Variants in CDH8 observed in about 807,000 individuals in gnomAD.
CDH8 encodes cadherin 8, also known as cadherin-8.
Under a neutral mutation model 68.1 loss-of-function variants are expected in CDH8, and 17 were observed. That is an observed-to-expected ratio of 0.25 (90% CI 0.17 to 0.37). The LOEUF is 0.37. Ranked by LOEUF, CDH8 falls within the 10% of genes least tolerant of loss-of-function variation. The pLI is 1.00. For missense variants in CDH8, 763 were observed against 999.3 expected (o/e 0.76, Z 3.19); for synonymous variants, 372 against 365.1 (o/e 1.02, Z -0.21).
intron 4 of CDH8, among the ~76,000 whole-genome samples, chr16:61,842,115 G>C (rs574490808): frequency 6.7e-6 from 1 of 148,450 alleles, no homozygotes; most frequent in East Asian, 2.0e-4. Context: ...CACCATGCTA[G>C]CCAGGATGGT....
intron 10 of CDH8, chr16:61,691,929 G>A (rs1349459368): frequency 6.6e-6 from 1 of 152,016 alleles, no homozygotes; most frequent in Non-Finnish European, 1.5e-5. Context: ...GTGATATGCA[G>A]GGGAAATACA....
chr16:62,005,995 G>A (rs1965968417), intron 2 of CDH8, among the ~76,000 whole-genome samples: 1 of 152,170 alleles, frequency 6.6e-6, no homozygotes, highest in African/African-American at 2.4e-5. Context: ...TGGAACTGCA[G>A]TGTTAATCTC....
At position 61,652,938 on chromosome 16, in the gene CDH8, C is replaced by A; in HGVS notation, c.*670G>T. 6.5e-7 allele frequency: 1 copy of A among 1,527,484 alleles called. No individual in the cohort carries two copies. Among genetic ancestry groups the A allele is most frequent in the Non-Finnish European group, 8.7e-7 (1 of 1,143,050 alleles). 94.6% of individuals were successfully genotyped at this position (1,527,484 alleles called of 1,614,324 possible). On this transcript the variant is annotated 3_prime_UTR_variant, in exon 12 of 12. Coordinates refer to ENST00000577390, the MANE Select transcript of CDH8 (RefSeq NM_001796.5). ...TGTTTGAATGGGATTTCTCTCCTCC[C>A]ACCACTGAATTGGCAAGCCCCACCC...
At chr16:61,929,568 G>C (rs1224872943) in intron 2 of CDH8, among the ~76,000 whole-genome samples, 1 of 152,078 alleles carries the variant, frequency 6.6e-6, no homozygotes, top group Non-Finnish European at 1.5e-5. Flanking sequence ...TTTTTTAACA[G>C]GTTGGGAATC....
chr16:61,795,448 A>G (rs1961474359), intron 7 of CDH8, among the ~76,000 whole-genome samples: 1 of 152,060 alleles, frequency 6.6e-6, no homozygotes, highest in South Asian at 2.1e-4. Context: ...GTTGGTGCAA[A>G]AGTAATTATG....
rs1170623483 is a variant in CDH8, at chr16:61,721,022, T to A, written c.1536+6072A>T. ...ATTCTGAAGATTTTAGGGTTTAAAC[T>A]AACAGAGATTATGGCTCAGCATCAC... On this transcript the variant is annotated intron_variant, in intron 9 of 11. Coordinates refer to ENST00000577390, the MANE Select transcript of CDH8 (RefSeq NM_001796.5). 2.8e-5 allele frequency among the ~76,000 whole-genome samples: 4 copies of A among 141,784 alleles called. No individual in the cohort carries two copies. The South Asian group carries it at 7.2e-4, about 25-fold the overall frequency. The allele number at this position is 141,784 out of a possible 152,430, so 93.0% of individuals were successfully genotyped here. A position where few individuals can be genotyped will look rare whatever the true frequency, so the allele number is the denominator to read the frequency against.
chr16:61,775,000 G>A (rs544290627), intron 8 of CDH8, among the ~76,000 whole-genome samples: 12 of 152,196 alleles, frequency 7.9e-5, no homozygotes, highest in African/African-American at 2.9e-4. Context: ...TACATAAAAT[G>A]AGTTAATACA....
chr16:61,674,858 T>C (rs1415888961), intron 10 of CDH8, among the ~76,000 whole-genome samples: 1 of 148,586 alleles, frequency 6.7e-6, no homozygotes, highest in Non-Finnish European at 1.5e-5. Flanking sequence ...TATCAACATA[T>C]AAAGAACTGC....
intron 2 of CDH8, among the ~76,000 whole-genome samples, chr16:62,016,825 T>A (rs146373889): frequency 1.3e-5 from 2 of 152,336 alleles, no homozygotes; most frequent in East Asian, 3.9e-4. Context: ...TGAAGATAGT[T>A]GGAAGACAAC....
At chr16:61,676,455 C>A (rs1963913561) in intron 10 of CDH8, among the ~76,000 whole-genome samples, 1 of 151,968 alleles carries the variant, frequency 6.6e-6, no homozygotes, top group East Asian at 1.9e-4. Context: ...GATAGGAACA[C>A]AAGTTTGTTT....
intron 8 of CDH8, among the ~76,000 whole-genome samples, chr16:61,735,951 T>G (rs979111831): frequency 6.6e-6 from 1 of 151,948 alleles, no homozygotes; most frequent in Non-Finnish European, 1.5e-5. Flanking sequence ...CACGCACCTG[T>G]AGTCCCAGCT....
chr16:61,965,977 G>A (rs1965245304), intron 2 of CDH8, among the ~76,000 whole-genome samples: 1 of 152,076 alleles, frequency 6.6e-6, no homozygotes, highest in Admixed American at 6.5e-5. Flanking sequence ...TCAAAAATGT[G>A]ACACTATTAA....
intron 7 of CDH8, among the ~76,000 whole-genome samples, chr16:61,793,964 A>C (rs1961441611): frequency 6.6e-6 from 1 of 152,086 alleles, no homozygotes; most frequent in South Asian, 2.1e-4. Flanking sequence ...ACAAAACAGA[A>C]TATAACAAGT....
Position 61,653,281 on chromosome 16 carries a change from T to C in CDH8, c.*327A>G, listed in dbSNP as rs1963365130. On this transcript the variant is annotated 3_prime_UTR_variant, in exon 12 of 12. Coordinates refer to ENST00000577390, the MANE Select transcript of CDH8 (RefSeq NM_001796.5). ...TTTCTAAGAAAGCACCTTTTAATTATGATTTTTTCCTCTATTTAAACCATT... is the reference window on the plus strand; with the variant it reads ...TTTCTAAGAAAGCACCTTTTAATTACGATTTTTTCCTCTATTTAAACCATT... 8.5e-7 allele frequency: 1 copy of C among 1,172,346 alleles called. No homozygotes were observed. Among genetic ancestry groups the C allele is most frequent in the Non-Finnish European group, 1.0e-6 (1 of 952,678 alleles). The allele number at this position is 1,172,346 out of a possible 1,614,324, so 72.6% of individuals were successfully genotyped here. A position where few individuals can be genotyped will look rare whatever the true frequency, so the allele number is the denominator to read the frequency against.
chr16:61,935,791 G>A (rs1964618154), intron 2 of CDH8, among the ~76,000 whole-genome samples: 1 of 152,126 alleles, frequency 6.6e-6, no homozygotes, highest in African/African-American at 2.4e-5. Flanking sequence ...AATAAACAAT[G>A]CATGCAGTAT....
At chr16:61,655,969 T>C (rs1200186636) in intron 10 of CDH8, among the ~76,000 whole-genome samples, 1 of 150,722 alleles carries the variant, frequency 6.6e-6, no homozygotes, top group Non-Finnish European at 1.5e-5. Flanking sequence ...GCCTCCCGGG[T>C]TCACGCCATT....
At chr16:61,910,404 T>C (rs191423624) in intron 2 of CDH8, among the ~76,000 whole-genome samples, 39 of 151,162 alleles carry the variant, frequency 2.6e-4, no homozygotes, top group Admixed American at 2.0e-3. Flanking sequence ...ATGCTGATAA[T>C]AGTCTGATTA....
intron 2 of CDH8, among the ~76,000 whole-genome samples, chr16:62,011,354 C>G (rs1597124814): frequency 6.6e-6 from 1 of 152,174 alleles, no homozygotes; most frequent in African/African-American, 2.4e-5. Context: ...CACACGCAGG[C>G]AGTTGCTTTT....
chr16:61,894,409 GATT>G (rs1963835519), intron 3 of CDH8, among the ~76,000 whole-genome samples: 1 of 152,116 alleles, frequency 6.6e-6, no homozygotes, highest in African/African-American at 2.4e-5. Flanking sequence ...GACAGCTGCA[GATT>G]ATTTGATGAG....
Sources: gnomAD v4.1 joint callset for allele counts (sites outside exome capture counted in the v4.1 genomes callset) on GRCh38, gnomAD v4.1.1 for gene constraint, MANE v1.5 for transcripts, NCBI Gene and HGNC (gene_info 2026-07-23, HGNC 2026-07-21) for gene names.